The following CALN1 variants were observed in gnomAD, a reference collection of about 807,000 sequenced individuals.
CALN1 encodes the protein calcium-binding protein 8.
Under a neutral mutation model 30.6 loss-of-function variants are expected in CALN1, and 17 were observed. The ratio of observed to expected loss-of-function variants is 0.56; its 90% CI spans 0.38 to 0.83. The LOEUF is 0.83. Ranked by LOEUF, CALN1 falls within the 40% of genes least tolerant of loss-of-function variation. The probability of loss-of-function intolerance (pLI) is 0.00; values close to 1 mark genes in which losing one functional copy is unlikely to be tolerated. For synonymous variants in CALN1, 156 were observed against 131.4 expected (o/e 1.19, Z -1.28); for missense variants, 291 against 354.9 (o/e 0.82, Z 1.45).
At chr7:72,398,115 G>A (rs1376695479) in intron 2 of CALN1, among the ~76,000 whole-genome samples, 1 of 152,156 alleles carries the variant, frequency 6.6e-6, no homozygotes, top group African/African-American at 2.4e-5. Flanking sequence ...GGCAAGAAGA[G>A]GAGAAATAAA....
At chr7:72,210,535 C>G (rs934517700) in intron 3 of CALN1, among the ~76,000 whole-genome samples, 2 of 151,846 alleles carry the variant, frequency 1.3e-5, no homozygotes, top group African/African-American at 4.8e-5. Context: ...CTGGGGAGGC[C>G]TCAGGAAACT....
chr7:72,211,023 T>C (rs778197562), intron 3 of CALN1, among the ~76,000 whole-genome samples: 2 of 152,080 alleles, frequency 1.3e-5, no homozygotes, highest in Non-Finnish European at 2.9e-5. Context: ...CACTGCACTC[T>C]AGCCTGGATG....
chr7:72,367,330 A>G (rs1803938842), intron 2 of CALN1, among the ~76,000 whole-genome samples: 1 of 152,056 alleles, frequency 6.6e-6, no homozygotes, highest in South Asian at 2.1e-4. Flanking sequence ...CTACAAAAAT[A>G]AAAAATTAGC....
intron 5 of CALN1, among the ~76,000 whole-genome samples, chr7:71,829,609 G>A (rs1339646337): frequency 6.6e-6 from 1 of 152,238 alleles, no homozygotes; most frequent in Non-Finnish European, 1.5e-5. Context: ...GGTAGGCTGT[G>A]GTTTGCTAGT....
At chr7:72,343,158 G>T (rs1217278220) in intron 2 of CALN1, among the ~76,000 whole-genome samples, 1 of 152,170 alleles carries the variant, frequency 6.6e-6, no homozygotes. Context: ...AGGACCTTTG[G>T]AAAACTCTTG....
chr7:72,377,298 A>G (rs960198777), intron 2 of CALN1, among the ~76,000 whole-genome samples: 2 of 152,104 alleles, frequency 1.3e-5, no homozygotes, highest in African/African-American at 4.8e-5. Context: ...TTTTTTAGAT[A>G]TATTTTCCTT....
chr7:72,205,575 T>TACAC (rs1196690990), intron 3 of CALN1, among the ~76,000 whole-genome samples: 5 of 119,598 alleles, frequency 4.2e-5, no homozygotes, highest in African/African-American at 1.7e-4. Flanking sequence ...TATGTATATA[T>TACAC]ATATATATAT....
intron 3 of CALN1, among the ~76,000 whole-genome samples, chr7:72,160,384 T>C (rs1012755680): frequency 6.6e-6 from 1 of 152,018 alleles, no homozygotes; most frequent in Non-Finnish European, 1.5e-5. Context: ...GTTCAAGCGA[T>C]GCCCCTGCCT....
intron 2 of CALN1, among the ~76,000 whole-genome samples, chr7:72,283,907 A>G (rs1241010239): frequency 1.3e-5 from 2 of 152,226 alleles, no homozygotes; most frequent in Admixed American, 1.3e-4. Flanking sequence ...CTGAATTGTC[A>G]TATCAAAGAA....
intron 1 of CALN1, among the ~76,000 whole-genome samples, chr7:72,443,269 T>G (rs534974493): frequency 1.3e-5 from 2 of 152,356 alleles, no homozygotes; most frequent in Admixed American, 1.3e-4. Flanking sequence ...TTGGGTGTTG[T>G]GTTCACCACT....
intron 2 of CALN1, among the ~76,000 whole-genome samples, chr7:72,279,219 A>C (rs1406186917): frequency 1.3e-5 from 2 of 152,072 alleles, no homozygotes; most frequent in Non-Finnish European, 2.9e-5. Context: ...CCCAGGGACT[A>C]GATGTCTTGT....
At chr7:72,382,815 G>A (rs1014298633) in intron 2 of CALN1, among the ~76,000 whole-genome samples, 17 of 152,110 alleles carry the variant, frequency 1.1e-4, no homozygotes, top group African/African-American at 4.1e-4. Context: ...TTTTTGAGAT[G>A]GAGTCTCACC....
At chr7:72,310,693 C>T (rs1253902978) in intron 2 of CALN1, among the ~76,000 whole-genome samples, 2 of 151,650 alleles carry the variant, frequency 1.3e-5, no homozygotes, top group East Asian at 3.9e-4. Context: ...CACCTGAGGC[C>T]GGGAGTTCGA....
At chr7:72,069,525 T>A (rs1461776615) in intron 4 of CALN1, among the ~76,000 whole-genome samples, 1 of 152,124 alleles carries the variant, frequency 6.6e-6, no homozygotes, top group East Asian at 1.9e-4. Flanking sequence ...ATCCTTTGGT[T>A]TCTGGCTACA....
At chr7:72,277,809 A>AT (rs5884879) in intron 3 of CALN1, among the ~76,000 whole-genome samples, 5,880 of 152,286 alleles carry the variant, frequency 0.039, 192 homozygotes, top group Non-Finnish European at 0.059. Flanking sequence ...CATTACACTT[A>AT]AAAGCAAATA....
rs193277858 is a variant in CALN1 at position 72,092,870 on chromosome 7, A to G, written c.388+13281T>C. On this transcript the variant is annotated intron_variant, in intron 4 of 6. Coordinates refer to ENST00000395275, the MANE Select transcript of CALN1 (RefSeq NM_031468.4). ...GTCTCTTTCCCCTGCCTTAGCTAACATGGAAGGAGAGACGGGCTGGAGTCT... is the reference window on the plus strand; with the variant it reads ...GTCTCTTTCCCCTGCCTTAGCTAACGTGGAAGGAGAGACGGGCTGGAGTCT... 3.0e-4 allele frequency among the ~76,000 whole-genome samples: 45 copies of G among 152,228 alleles called. No individual in the cohort carries two copies. The East Asian group carries it at 8.5e-3, about 29-fold the overall frequency.
intron 2 of CALN1, among the ~76,000 whole-genome samples, chr7:72,394,011 G>A (rs189558923): frequency 2.6e-5 from 4 of 152,302 alleles, no homozygotes; most frequent in African/African-American, 7.2e-5. Flanking sequence ...TGGATCCTGA[G>A]TGAACAGATT....
At chr7:72,278,148 G>C (rs1413738366) in intron 3 of CALN1, among the ~76,000 whole-genome samples, 2 of 152,048 alleles carry the variant, frequency 1.3e-5, no homozygotes. Flanking sequence ...TGAGCACCCA[G>C]GGCTGTACTG....
At chr7:72,137,693 G>C (rs903432797) in intron 3 of CALN1, among the ~76,000 whole-genome samples, 2 of 152,244 alleles carry the variant, frequency 1.3e-5, no homozygotes, top group African/African-American at 4.8e-5. Context: ...AATAGAGTCT[G>C]TGGATTAGGT....
Sources: gnomAD v4.1 joint callset for allele counts (sites outside exome capture counted in the v4.1 genomes callset) on GRCh38, gnomAD v4.1.1 for gene constraint, MANE v1.5 for transcripts, NCBI Gene and HGNC (gene_info 2026-07-23, HGNC 2026-07-21) for gene names.